The following COL17A1 variants were observed in gnomAD, a reference collection of about 807,000 sequenced individuals.
The protein encoded by COL17A1 is collagen alpha-1(XVII) chain.
COL17A1 carries 181 observed loss-of-function variants against 218.4 expected under a neutral mutation model. The ratio of observed to expected loss-of-function variants is 0.83; its 90% CI spans 0.73 to 0.94. The LOEUF is 0.94. COL17A1 is among the 40% of genes least tolerant of loss of function. The probability of loss-of-function intolerance (pLI) is 0.00; values close to 1 mark genes in which losing one functional copy is unlikely to be tolerated. For missense variants in COL17A1, 1,924 were observed against 1,945.9 expected (o/e 0.99, Z 0.21); for synonymous variants, 721 against 731.0 (o/e 0.99, Z 0.22).
At chr10:104,067,128 C>A (rs1329678172) in intron 9 of COL17A1, among the ~76,000 whole-genome samples, 2 of 152,122 alleles carry the variant, frequency 1.3e-5, no homozygotes, top group South Asian at 4.2e-4. Flanking sequence ...GCAAGGAGTC[C>A]CGCCAGCTGA....
intron 6 of COL17A1, chr10:104,073,930 T>A (rs2086688214): frequency 2.1e-6 from 1 of 484,338 alleles, no homozygotes; most frequent in South Asian, 2.1e-5. Flanking sequence ...CATCCAAGCC[T>A]GAGCCTTATA....
intron 15 of COL17A1, 29 bp downstream of exon 15, chr10:104,059,609 A>T (rs2086563472): frequency 6.2e-7 from 1 of 1,600,010 alleles, no homozygotes; most frequent in African/African-American, 1.3e-5. Context: ...GCTGAAGTCA[A>T]GGTGGACAAC....
intron 41 of COL17A1, 116 bp from the exon 42 acceptor site, chr10:104,039,756 C>T (rs974415595): frequency 3.1e-6 from 4 of 1,276,618 alleles, no homozygotes; most frequent in South Asian, 2.4e-5. Flanking sequence ...TTGGGCAGTA[C>T]CTAGAGATGC....
chr10:104,048,017 G>A (rs564543310), intron 30 of COL17A1, 52 bp downstream of exon 30: 1 of 1,608,748 alleles, frequency 6.2e-7, no homozygotes, highest in South Asian at 1.1e-5. Context: ...CTGCATGCTG[G>A]AACAGGGGCT....
chr10:104,032,711 A>G lies in COL17A1; in HGVS notation c.4401T>C (p.Pro1467=). The G allele has an allele frequency of 1.9e-6, 3 of 1,614,170 alleles. No individual in the cohort carries two copies. Among genetic ancestry groups the G allele is most frequent in the Non-Finnish European group, 2.5e-6 (3 of 1,180,006 alleles). ...PAGPPGHPGP[P]GPRGHKGEKG... Reference sequence around the variant, plus strand: ...TTTCTCCCTTGTGTCCTCGAGGGCCAGGTGGCCCAGGATGACCTGGTGGCC... The same window carrying G: ...TTTCTCCCTTGTGTCCTCGAGGGCCGGGTGGCCCAGGATGACCTGGTGGCC... Residue 1467 remains proline (P), a synonymous_variant, in exon 55 of 56, where the codon CCT becomes CCC. Coordinates refer to ENST00000648076, the MANE Select transcript of COL17A1 (RefSeq NM_000494.4).
At position 104,032,278 on chromosome 10, in the gene COL17A1, T is replaced by C. The variant is rs1300683624; in HGVS notation, c.4451A>G (p.Tyr1484Cys). The change falls in exon 56 of 56, where the codon TAT becomes TGT. Residue 1484 changes from tyrosine to cysteine, a missense_variant. Tyr to Cys is a radical substitution (Grantham distance 194). Coordinates refer to ENST00000648076, the MANE Select transcript of COL17A1 (RefSeq NM_000494.4). The part of the protein sequence containing the change: ...GEKGDKGDQV[Y>C]AGRRRRRSIA... ...ACTTCTTCTCCTTCTCCGCCCAGCATAGACTTGGTCACCTGAAAGTTAGAA... is the reference window on the plus strand; with the variant it reads ...ACTTCTTCTCCTTCTCCGCCCAGCACAGACTTGGTCACCTGAAAGTTAGAA... The C allele has an allele frequency of 2.2e-5, 35 of 1,613,918 alleles. No homozygotes were observed. The highest frequency in any genetic ancestry group is 2.9e-5 in the Non-Finnish European group (34 of 1,179,904).
Position 104,039,129 on chromosome 10 carries a change from C to G in COL17A1, c.2897-8G>C. ...CTGGAACACCTGGATCACCTGGAAT[C>G]CAAAATGAGAAGTTTGCCTCACCTC... On this transcript the variant is annotated splice_region_variant and splice_polypyrimidine_tract_variant and intron_variant, in intron 43 of 55. Transcript: ENST00000648076. The G allele has an allele frequency of 9.3e-6, 15 of 1,614,126 alleles. No homozygotes were observed. Among genetic ancestry groups the G allele is most frequent in the Non-Finnish European group, 1.3e-5 (15 of 1,179,974 alleles).
Position 104,053,170 on chromosome 10 carries a change from T to A in COL17A1, c.1835-35A>T, listed in dbSNP as rs752629927. Reference sequence around the variant, plus strand: ...GGGATGGCCAGCCTCCAAGTCAGGATCCCGTACCCCAGCTAACGGCTCCAC... The same window carrying A: ...GGGATGGCCAGCCTCCAAGTCAGGAACCCGTACCCCAGCTAACGGCTCCAC... On this transcript the variant is annotated intron_variant, in intron 22 of 55. Coordinates refer to ENST00000648076, the MANE Select transcript of COL17A1 (RefSeq NM_000494.4). The A allele has an allele frequency of 6.2e-6, 10 of 1,607,364 alleles. No homozygotes were observed. In the South Asian group the frequency reaches 1.1e-4, roughly 18 times the overall value.
At chr10:104,052,268 G>A in intron 23 of COL17A1, 51 bp from the exon 24 acceptor site, 1 of 1,609,864 alleles carries the variant, frequency 6.2e-7, no homozygotes, top group Non-Finnish European at 8.5e-7. Context: ...CAGTGTGGCT[G>A]CCCCCTATCC....
intron 2 of COL17A1, among the ~76,000 whole-genome samples, chr10:104,080,150 C>T (rs2086752223): frequency 6.6e-6 from 1 of 152,034 alleles, no homozygotes; most frequent in African/African-American, 2.4e-5. Flanking sequence ...GAAAGAGTTT[C>T]CTGACTTAGA....
At position 104,060,274 on chromosome 10, in the gene COL17A1, G is replaced by A; in HGVS notation, c.986C>T (p.Thr329Ile). The change falls in exon 14 of 56, where the codon ACC becomes ATC. Residue 329 changes from threonine (T) to isoleucine (I), a missense_variant. Physicochemically the swap from Thr to Ile is moderately conservative, Grantham distance 89 (BLOSUM62 -1). Coordinates refer to ENST00000648076, the MANE Select transcript of COL17A1 (RefSeq NM_000494.4). ...NTGVSTSAACTTSVQSDDLLH... is the reference protein window; with the variant it reads ...NTGVSTSAACITSVQSDDLLH... ...AAGGTCATCGCTCTGCACACTTGTGGTGCAGGCTGGGGAGAAAGAAAATGG... is the reference window on the plus strand; with the variant it reads ...AAGGTCATCGCTCTGCACACTTGTGATGCAGGCTGGGGAGAAAGAAAATGG... The A allele has an allele frequency of 6.2e-7, 1 of 1,614,166 alleles. No individual in the cohort carries two copies. Among genetic ancestry groups the A allele is most frequent in the Non-Finnish European group, 8.5e-7 (1 of 1,180,038 alleles).
chr10:104,039,489 C>T lies in COL17A1; in HGVS notation c.2852G>A (p.Gly951Glu), dbSNP rs767561057. 6.2e-7 allele frequency: 1 copy of T among 1,614,166 alleles called. No individual in the cohort carries two copies. Among genetic ancestry groups the T allele is most frequent in the East Asian group, 2.2e-5 (1 of 44,870 alleles). The change falls in exon 43 of 56, where the codon GGA becomes GAA. Residue 951 changes from glycine to glutamate, a missense_variant. Coordinates refer to ENST00000648076, the MANE Select transcript of COL17A1 (RefSeq NM_000494.4). ...GSSSFGLNLQ[G>E]PPGPPGPQGP... ...CTGGGGGCCAGGTGGGCCTGGTGGT[C>T]CCTGAAGGTTGAGTCCGAAAGAACT... is the stretch of plus-strand genomic sequence containing the variant.
chr10:104,084,097 A>C (rs2086787685), intron 1 of COL17A1, among the ~76,000 whole-genome samples: 1 of 152,140 alleles, frequency 6.6e-6, no homozygotes, highest in Middle Eastern at 3.2e-3. Flanking sequence ...TGCTTGCTAC[A>C]TTTGGTATCC....
In COL17A1 at chr10:104,052,076, G is replaced by A. The variant is rs41290936; in HGVS notation, c.2002+79C>T. 3,566 of 1,597,862 alleles carry A rather than the reference G, an allele frequency of 2.2e-3. 7 individuals carry two copies. The highest frequency in any genetic ancestry group is 2.7e-3 in the Non-Finnish European group (3,117 of 1,165,688). ...GGGGTTAGGGCTGTCTGGGGTCCCA[G>A]GGCCTCTTCTCTGTGATCCATCCTG... On this transcript the variant is annotated intron_variant, in intron 24 of 55. Transcript: ENST00000648076.
intron 5 of COL17A1, among the ~76,000 whole-genome samples, chr10:104,074,709 C>T (rs1405523662): frequency 1.3e-5 from 2 of 152,222 alleles, no homozygotes; most frequent in African/African-American, 2.4e-5. Context: ...ATGCAATCCA[C>T]CTCACCTGGA....
At chr10:104,036,819 C>G (rs1028309768) in intron 47 of COL17A1, among the ~76,000 whole-genome samples, 187 bp from the exon 48 acceptor site, 1 of 152,204 alleles carries the variant, frequency 6.6e-6, no homozygotes, top group Admixed American at 6.5e-5. Context: ...GGGACACCTG[C>G]CAGCTTGTCT....
rs376826650 is a variant in COL17A1 at position 104,045,755 on chromosome 10, T to G, written c.2398+3A>C. 6.2e-7 allele frequency: 1 copy of G among 1,610,220 alleles called. No homozygotes were observed. The highest frequency in any genetic ancestry group is 2.2e-5 in the East Asian group (1 of 44,870). ...AAGAAATCTCATTTGGAAATTCACTTACCTTTTATTCCTGGTCGGCCAGGG... is the reference window on the plus strand; with the variant it reads ...AAGAAATCTCATTTGGAAATTCACTGACCTTTTATTCCTGGTCGGCCAGGG... On this transcript the variant is annotated splice_donor_region_variant and intron_variant, in intron 33 of 55. Transcript: ENST00000648076.
In COL17A1 at chr10:104,041,060, A is replaced by G; in HGVS notation, c.2701+5T>C. 2 of 1,614,082 alleles carry G rather than the reference A, an allele frequency of 1.2e-6. No homozygotes were observed. The highest frequency in any genetic ancestry group is 1.7e-5 in the Admixed American group (1 of 60,012). On this transcript the variant is annotated splice_donor_5th_base_variant and intron_variant, in intron 39 of 55. Coordinates refer to ENST00000648076, the MANE Select transcript of COL17A1 (RefSeq NM_000494.4). ...AACAGGTGCGACTTGACTCCCTGAC[A>G]TTACCTGAGTTGGACAGGAACGATC...
intron 33 of COL17A1, 136 bp downstream of exon 33, chr10:104,045,622 A>G: frequency 1.2e-6 from 1 of 809,724 alleles, no homozygotes; most frequent in East Asian, 2.5e-5. Context: ...TCCCAGCCTC[A>G]TAGCCCTCTG....
Sources: allele counts gnomAD v4.1 joint callset (sites outside exome capture counted in the v4.1 genomes callset), GRCh38; gene constraint gnomAD v4.1.1; transcripts MANE v1.5; gene names NCBI Gene and HGNC (gene_info 2026-07-23, HGNC 2026-07-21).